The following TNN variants were observed in gnomAD, a reference collection of about 807,000 sequenced individuals.
The protein encoded by TNN is tenascin N.
In TNN, 122 loss-of-function variants were observed where a neutral mutation model predicts 134.4. The ratio of observed to expected loss-of-function variants is 0.91; its 90% CI spans 0.78 to 1.06. The LOEUF (loss-of-function observed/expected upper bound fraction) is 1.06. Among genes scored for constraint, TNN ranks in the 50% least tolerant of loss-of-function variants. The probability of loss-of-function intolerance (pLI) is 0.00; values close to 1 mark genes in which losing one functional copy is unlikely to be tolerated. For missense variants in TNN, 1,739 were observed against 1,699.4 expected (o/e 1.02, Z -0.41); for synonymous variants, 710 against 670.3 (o/e 1.06, Z -0.91).
chr1:175,072,661 A>G (rs1405155645), intron 1 of TNN, among the ~76,000 whole-genome samples: 1 of 152,132 alleles, frequency 6.6e-6, no homozygotes, highest in African/African-American at 2.4e-5. Flanking sequence ...CTTGCTCATT[A>G]CACTTGACAG....
In TNN at chr1:175,147,782, T is replaced by C. The variant is rs1200330761; in HGVS notation, c.*711T>C. 1 of 152,230 alleles carries C rather than the reference T, an allele frequency of 6.6e-6. No individual in the cohort carries two copies. The highest frequency in any genetic ancestry group is 1.5e-5 in the Non-Finnish European group (1 of 68,048). The allele number at this position is 152,230 out of a possible 1,614,324, so 9.4% of individuals were successfully genotyped here. On this transcript the variant is annotated 3_prime_UTR_variant, in exon 19 of 19. Transcript: ENST00000239462. ...TCTCACTCATTTCAACTTTGAATAA[T>C]TTGACTGTCTTGATAATTGGTTCCT... is the stretch of plus-strand genomic sequence containing the variant.
chr1:175,068,538 C>G (rs931664793), intron 1 of TNN, among the ~76,000 whole-genome samples: 9 of 152,126 alleles, frequency 5.9e-5, no homozygotes, highest in South Asian at 4.1e-4. Context: ...TTTGTTAAGA[C>G]GACAACTTCT....
Position 175,137,001 on chromosome 1 carries a change from G to A in TNN, c.3595+13G>A, listed in dbSNP as rs765469501. 1.9e-6 allele frequency: 3 copies of A among 1,613,362 alleles called. No individual in the cohort carries two copies. Among genetic ancestry groups the A allele is most frequent in the Non-Finnish European group, 2.5e-6 (3 of 1,179,564 alleles). On this transcript the variant is annotated intron_variant, in intron 17 of 18. Coordinates refer to ENST00000239462, the MANE Select transcript of TNN (RefSeq NM_022093.2). ...AGAGGCACGGCAGGTGAGAAAAAAT[G>A]TTTTCTTACTGCGAAGGTCTCTTGC... is the stretch of plus-strand genomic sequence containing the variant.
chr1:175,129,920 G>A, intron 15 of TNN, among the ~76,000 whole-genome samples: 1 of 152,222 alleles, frequency 6.6e-6, no homozygotes, highest in East Asian at 1.9e-4. Context: ...ACTAAAGTCT[G>A]AAAGACGGAA....
At position 175,144,518 on chromosome 1, in the gene TNN, A is replaced by G. The variant is rs780953188; in HGVS notation, c.3727A>G (p.Asn1243Asp). ...TAAGAACTGCCACTTGGCCAACCCT[A>G]ATGGCAGATATGGGGAGACCAAGCA... ...WYKNCHLANP[N>D]GRYGETKHSE... is the part of the protein sequence containing the mutation. Residue 1243 changes from asparagine to aspartate, a missense_variant, in exon 18 of 19, where the codon AAT becomes GAT. Coordinates refer to ENST00000239462, the MANE Select transcript of TNN (RefSeq NM_022093.2). 4 of 1,614,208 alleles carry G rather than the reference A, an allele frequency of 2.5e-6. No homozygotes were observed. The South Asian group carries it at 3.3e-5, about 13-fold the overall frequency.
At chr1:175,140,313 G>T (rs1316565799) in intron 17 of TNN, among the ~76,000 whole-genome samples, 1 of 152,206 alleles carries the variant, frequency 6.6e-6, no homozygotes, top group African/African-American at 2.4e-5. Context: ...GGTTAAAGAA[G>T]TCTACATAAG....
At chr1:175,106,761 G>T (rs1187991778) in intron 9 of TNN, among the ~76,000 whole-genome samples, 4 of 145,624 alleles carry the variant, frequency 2.7e-5, no homozygotes, top group Non-Finnish European at 6.1e-5. Flanking sequence ...GGAGATGCAT[G>T]GCTTTCCTCA....
chr1:175,107,089 C>T (rs1674875855), intron 9 of TNN, among the ~76,000 whole-genome samples: 1 of 146,334 alleles, frequency 6.8e-6, no homozygotes, highest in Admixed American at 6.9e-5. Context: ...GCGAAAGTCC[C>T]TTCGTGGTCG....
chr1:175,135,695 C>G (rs1476294110), intron 15 of TNN, 150 bp from the exon 16 acceptor site: 3 of 621,510 alleles, frequency 4.8e-6, no homozygotes, highest in Non-Finnish European at 8.8e-6. Flanking sequence ...TATAGTGAAT[C>G]TACTGACATA....
At chr1:175,126,812 G>A in intron 12 of TNN, 143 bp from the exon 13 acceptor site, 1 of 838,862 alleles carries the variant, frequency 1.2e-6, no homozygotes, top group South Asian at 1.8e-5. Flanking sequence ...CTGTGGCAGG[G>A]AGGAAGAGAG....
chr1:175,082,962 T>C (rs762084638), intron 4 of TNN, among the ~76,000 whole-genome samples: 8 of 151,674 alleles, frequency 5.3e-5, no homozygotes, highest in Non-Finnish European at 1.0e-4. Flanking sequence ...CATTCCTTTG[T>C]ATTAATCACT....
chr1:175,145,791 G>T (rs2101857961), intron 18 of TNN, among the ~76,000 whole-genome samples: 1 of 152,032 alleles, frequency 6.6e-6, no homozygotes, highest in Middle Eastern at 3.4e-3. Flanking sequence ...AGCCTCCTCT[G>T]CCCCAGTGCA....
intron 1 of TNN, among the ~76,000 whole-genome samples, chr1:175,076,809 C>G (rs1026717396): frequency 6.6e-6 from 1 of 152,128 alleles, no homozygotes; most frequent in Non-Finnish European, 1.5e-5. Flanking sequence ...CAAATCCTGC[C>G]ACTCTGAGCT....
Position 175,093,967 on chromosome 1 carries a change from C to G in TNN, c.1325-23C>G, listed in dbSNP as rs757078637. The G allele has an allele frequency of 1.7e-5, 26 of 1,573,834 alleles. No homozygotes were observed. The South Asian group carries it at 3.0e-4, about 18-fold the overall frequency. ...TAACCAACTGGTTTCTCTGATTTTT[C>G]TTTCTCATGTGTTTTTATGAAGAAA... On this transcript the variant is annotated intron_variant, in intron 6 of 18. Coordinates refer to ENST00000239462, the MANE Select transcript of TNN (RefSeq NM_022093.2).
chr1:175,119,516 A>G (rs12043708), intron 11 of TNN, among the ~76,000 whole-genome samples: 31,160 of 152,154 alleles, frequency 0.2, 4,087 homozygotes, highest in East Asian at 0.37. Flanking sequence ...AATGCAGCCC[A>G]GTAGGTTTCA....
chr1:175,118,925 G>C (rs1675267465), intron 11 of TNN, 101 bp downstream of exon 11: 4 of 1,456,538 alleles, frequency 2.7e-6, no homozygotes, highest in Non-Finnish European at 3.7e-6. Context: ...GTAACCTCAG[G>C]GCTGCAGACT....
At chr1:175,133,549 C>CT in intron 15 of TNN, among the ~76,000 whole-genome samples, 1 of 152,308 alleles carries the variant, frequency 6.6e-6, no homozygotes, top group East Asian at 1.9e-4. Context: ...TTTCTAGTTT[C>CT]TTTTTCTCCA....
chr1:175,136,005 T>C, intron 16 of TNN, 64 bp downstream of exon 16: 1 of 1,217,222 alleles, frequency 8.2e-7, no homozygotes, highest in Non-Finnish European at 1.2e-6. Flanking sequence ...ACAAGCTAGC[T>C]AGGAGGCTTA....
intron 9 of TNN, among the ~76,000 whole-genome samples, chr1:175,105,923 C>T (rs1674838561): frequency 6.9e-6 from 1 of 145,814 alleles, no homozygotes; most frequent in South Asian, 2.3e-4. Context: ...GCAGAAACAA[C>T]CCCTGCCCAA....
Sources: allele counts gnomAD v4.1 joint callset (sites outside exome capture counted in the v4.1 genomes callset), GRCh38; gene constraint gnomAD v4.1.1; transcripts MANE v1.5; gene names NCBI Gene and HGNC (gene_info 2026-07-23, HGNC 2026-07-21).